SPEM2: variants seen among roughly 807,000 people sequenced by gnomAD.
The protein encoded by SPEM2 is SPEM family member 2, also known as uncharacterized protein SPEM2.
In SPEM2, 15 loss-of-function variants were observed where a neutral mutation model predicts 9.3. The ratio of observed to expected loss-of-function variants is 1.62; its 90% CI spans 1.08 to 2.50. SPEM2 has a LOEUF of 2.50. Ranked by LOEUF, SPEM2 falls within the 30% of genes most tolerant of loss-of-function variation. SPEM2 has a pLI of 0.00. For missense variants in SPEM2, 678 were observed against 690.0 expected (o/e 0.98, Z 0.19); for synonymous variants, 268 against 272.4 (o/e 0.98, Z 0.16).
Position 7,426,592 on chromosome 17 carries a change from C to A in SPEM2, c.601C>A (p.Arg201Ser). 1 of 1,614,162 alleles carries A rather than the reference C, an allele frequency of 6.2e-7. No individual in the cohort carries two copies. Among genetic ancestry groups the A allele is most frequent in the Non-Finnish European group, 8.5e-7 (1 of 1,180,004 alleles). Residue 201 changes from arginine (R) to serine (S), a missense_variant, in exon 3 of 3, where the codon CGC becomes AGC. Coordinates refer to ENST00000333870, the MANE Select transcript of SPEM2 (RefSeq NM_175734.5). This position sits in a 1 kb window ranked among gnomAD's most constrained non-coding sequence, Gnocchi z 5.3. ...LPFPYPKYPRRGWGGFYQRAG... is the reference protein window; with the variant it reads ...LPFPYPKYPRSGWGGFYQRAG... ...CTTCCCGTATCCCAAGTACCCACGT[C>A]GCGGCTGGGGCGGGTTTTATCAGAG...
In SPEM2 at chr17:7,426,498, A is replaced by G. The variant is rs370916463; in HGVS notation, c.507A>G (p.Gln169=). 1.9e-6 allele frequency: 3 copies of G among 1,613,872 alleles called. No individual in the cohort carries two copies. The highest frequency in any genetic ancestry group is 2.7e-5 in the African/African-American group (2 of 74,916). ...CACATCGCAGCCAAAAGATGTCACA[A>G]CTACACCGAGTGCCTTTCTTTGATC... is the stretch of plus-strand genomic sequence containing the variant. ...RNPHRSQKMS[Q]LHRVPFFDQE... The change falls in exon 3 of 3, where the codon CAA becomes CAG. Residue 169 remains glutamine, a synonymous_variant. Coordinates refer to ENST00000333870, the MANE Select transcript of SPEM2 (RefSeq NM_175734.5). The surrounding 1 kb of genome is among the most constrained non-coding windows in gnomAD (Gnocchi z 5.3).
Position 7,426,849 on chromosome 17 carries a change from GC to G in SPEM2, c.863del (p.Pro288LeufsTer111). ...ASSPPPPHRLPPNPSWVPVGH... is the reference protein window; with the variant it reads ...ASSPPPPHRLXPNPSWVPVGH... ...CGTCTCCACCACCTCCCCACCGGCT[GC>G]CCCCTAACCCCTCTTGGGTCCCCGT... On this transcript the variant is annotated frameshift_variant, in exon 3 of 3. Coordinates refer to ENST00000333870, the MANE Select transcript of SPEM2 (RefSeq NM_175734.5). LOFTEE classifies it low-confidence loss of function (END_TRUNC). The surrounding 1 kb of genome is among the most constrained non-coding windows in gnomAD (Gnocchi z 5.3). 6.2e-7 allele frequency: 1 copy of G among 1,610,800 alleles called. No homozygotes were observed.
Position 7,426,730 on chromosome 17 carries a change from G to A in SPEM2, c.739G>A (p.Val247Ile), listed in dbSNP as rs2150825013. The change falls in exon 3 of 3, where the codon GTA (valine) becomes ATA (isoleucine). Residue 247 changes from valine (V) to isoleucine (I), a missense_variant. By Grantham distance (29) the Val-to-Ile change is conservative. Transcript: ENST00000333870. The surrounding 1 kb of genome is among the most constrained non-coding windows in gnomAD (Gnocchi z 5.3). ...SPELRCMPKR[V>I]EARSELRLQS... Reference sequence around the variant, plus strand: ...TGAGCTGCGCTGCATGCCCAAGCGTGTAGAGGCCAGGTCTGAGCTGAGGCT... The same window carrying A: ...TGAGCTGCGCTGCATGCCCAAGCGTATAGAGGCCAGGTCTGAGCTGAGGCT... The A allele has an allele frequency of 2.5e-6, 4 of 1,612,392 alleles. No homozygotes were observed. Among genetic ancestry groups the A allele is most frequent in the Non-Finnish European group, 3.4e-6 (4 of 1,179,124 alleles).
rs1218546077 is a variant in SPEM2 at position 7,425,626 on chromosome 17, G to A, written c.-63G>A. 5 of 1,537,694 alleles carry A rather than the reference G, an allele frequency of 3.3e-6. No homozygotes were observed. The highest frequency in any genetic ancestry group is 4.4e-6 in the Non-Finnish European group (5 of 1,137,448). On this transcript the variant is annotated 5_prime_UTR_variant, in exon 1 of 3. Transcript: ENST00000333870. ...CCGGGGATTGGCATGAGTGCAGTGT[G>A]GGTTGGGGCCGGGGGTGGGGGGCAG...
Position 7,427,303 on chromosome 17 carries a change from C to T in SPEM2, c.1312C>T (p.Pro438Ser), listed in dbSNP as rs763189843. 9 of 1,613,978 alleles carry T rather than the reference C, an allele frequency of 5.6e-6. No homozygotes were observed. In the African/African-American group the frequency reaches 9.3e-5, roughly 17 times the overall value. Residue 438 changes from proline to serine, a missense_variant, in exon 3 of 3, where the codon CCT becomes TCT. Transcript: ENST00000333870. This position sits in a 1 kb window ranked among gnomAD's most constrained non-coding sequence, Gnocchi z 5.4. ...QPWPKVQAAD[P>S]APPPTMFVPL... is the part of the protein sequence containing the mutation. ...CTGGCCCAAAGTCCAGGCTGCGGAC[C>T]CTGCCCCTCCCCCGACCATGTTTGT... is the stretch of plus-strand genomic sequence containing the variant.
At position 7,427,007 on chromosome 17, in the gene SPEM2, G is replaced by A; in HGVS notation, c.1016G>A (p.Cys339Tyr). 6.2e-7 allele frequency: 1 copy of A among 1,611,442 alleles called. No homozygotes were observed. The highest frequency in any genetic ancestry group is 8.5e-7 in the Non-Finnish European group (1 of 1,179,862). Residue 339 changes from cysteine to tyrosine, a missense_variant, in exon 3 of 3, where the codon TGC (cysteine) becomes TAC (tyrosine). Coordinates refer to ENST00000333870, the MANE Select transcript of SPEM2 (RefSeq NM_175734.5). The surrounding 1 kb of genome is among the most constrained non-coding windows in gnomAD (Gnocchi z 5.4). ...SRNARPEAQGCREHHSPQSHQ... is the reference protein window; with the variant it reads ...SRNARPEAQGYREHHSPQSHQ... ...AACGCCCGGCCTGAGGCCCAGGGCT[G>A]CCGGGAGCACCACTCCCCACAGTCC...
At position 7,427,414 on chromosome 17, in the gene SPEM2, GCCAGGT is replaced by G. The variant is rs2150825831; in HGVS notation, c.1428_1433del (p.Arg476_Ser477del). The G allele has an allele frequency of 6.2e-7, 1 of 1,612,792 alleles. No homozygotes were observed. The highest frequency in any genetic ancestry group is 2.2e-5 in the East Asian group (1 of 44,846). On this transcript the variant is annotated inframe_deletion, in exon 3 of 3. Coordinates refer to ENST00000333870, the MANE Select transcript of SPEM2 (RefSeq NM_175734.5). This position sits in a 1 kb window ranked among gnomAD's most constrained non-coding sequence, Gnocchi z 5.4. ...GAAGCGGCAGGTGCAGAAGAGCAGA[GCCAGGT>G]CCAGCTCACTGCCACCGGCTTCCAC...
rs578139792 is a variant in SPEM2 at position 7,426,290 on chromosome 17, G to A, written c.299G>A (p.Arg100Gln). The A allele has an allele frequency of 1.6e-5, 26 of 1,614,086 alleles. No individual in the cohort carries two copies. The highest frequency in any genetic ancestry group is 1.0e-4 in the Admixed American group (6 of 60,014). The change falls in exon 3 of 3, where the codon CGA (arginine) becomes CAA (glutamine). Residue 100 changes from arginine (R) to glutamine (Q), a missense_variant. Transcript: ENST00000333870. The surrounding 1 kb of genome is among the most constrained non-coding windows in gnomAD (Gnocchi z 5.3). ...ILDPVQVKMS[R>Q]PTQYSSFSCH... ...GACCCTGTGCAGGTGAAGATGTCCC[G>A]ACCCACGCAGTACTCCTCTTTCTCC...
At position 7,426,963 on chromosome 17, in the gene SPEM2, C is replaced by T; in HGVS notation, c.972C>T (p.Pro324=). ...RRRGTEGFER[P]PASVSRNARP... is the part of the protein sequence containing the mutation. ...GTGGCACGGAGGGCTTTGAGCGCCC[C>T]CCTGCCTCGGTGTCCCGGAACGCCC... The change falls in exon 3 of 3, where the codon CCC becomes CCT. Residue 324 remains proline, a synonymous_variant. Transcript: ENST00000333870. The surrounding 1 kb of genome is among the most constrained non-coding windows in gnomAD (Gnocchi z 5.3). 21 of 1,612,306 alleles carry T rather than the reference C, an allele frequency of 1.3e-5. No homozygotes were observed. Among genetic ancestry groups the T allele is most frequent in the Non-Finnish European group, 1.6e-5 (19 of 1,179,852 alleles).
Position 7,425,801 on chromosome 17 carries a change from A to G in SPEM2, c.113A>G (p.Asn38Ser). Residue 38 changes from asparagine to serine, a missense_variant, in exon 1 of 3, where the codon AAC (asparagine) becomes AGC (serine). By Grantham distance (46) the Asn-to-Ser change is conservative (BLOSUM62 1). Coordinates refer to ENST00000333870, the MANE Select transcript of SPEM2 (RefSeq NM_175734.5). Reference protein sequence around the residue: ...LLLLGLIVLVNIGINVATMMW... With the variant: ...LLLLGLIVLVSIGINVATMMW... ...CTGCTGGGCCTCATCGTTCTTGTCA[A>G]CATTGGCATCAACGTGGCAACTATG... The G allele has an allele frequency of 6.2e-7, 1 of 1,614,174 alleles. No homozygotes were observed. Among genetic ancestry groups the G allele is most frequent in the South Asian group, 1.1e-5 (1 of 91,090 alleles).
chr17:7,426,523 C>T lies in SPEM2; in HGVS notation c.532C>T (p.Gln178Ter). 6.2e-7 allele frequency: 1 copy of T among 1,614,154 alleles called. No individual in the cohort carries two copies. Among genetic ancestry groups the T allele is most frequent in the South Asian group, 1.1e-5 (1 of 91,084 alleles). ...ACTACACCGAGTGCCTTTCTTTGAT[C>T]AGGAGGACCCGGATTCCTACCTGGA... Reference protein sequence around the residue: ...SQLHRVPFFDQEDPDSYLEEE... With the variant: ...SQLHRVPFFD Residue 178 changes from glutamine to a stop codon, truncating the protein, a stop_gained, in exon 3 of 3, where the codon CAG becomes TAG. Transcript: ENST00000333870. LOFTEE classifies it low-confidence loss of function (END_TRUNC). The surrounding 1 kb of genome is among the most constrained non-coding windows in gnomAD (Gnocchi z 5.3).
rs1907610896 is a variant in SPEM2 at position 7,426,509 on chromosome 17, T to G, written c.518T>G (p.Val173Gly). 9 of 1,613,960 alleles carry G rather than the reference T, an allele frequency of 5.6e-6. No homozygotes were observed. The highest frequency in any genetic ancestry group is 7.6e-6 in the Non-Finnish European group (9 of 1,180,010). The part of the protein sequence containing the change: ...RSQKMSQLHR[V>G]PFFDQEDPDS... ...CAAAAGATGTCACAACTACACCGAG[T>G]GCCTTTCTTTGATCAGGAGGACCCG... is the stretch of plus-strand genomic sequence containing the variant. Residue 173 changes from valine to glycine, a missense_variant, in exon 3 of 3, where the codon GTG becomes GGG. Val to Gly is a moderately radical substitution (Grantham distance 109). Coordinates refer to ENST00000333870, the MANE Select transcript of SPEM2 (RefSeq NM_175734.5). This position sits in a 1 kb window ranked among gnomAD's most constrained non-coding sequence, Gnocchi z 5.3.
In SPEM2 at chr17:7,426,636, T is replaced by C; in HGVS notation, c.645T>C (p.Asn215=). 6.2e-7 allele frequency: 1 copy of C among 1,614,024 alleles called. No homozygotes were observed. The highest frequency in any genetic ancestry group is 8.5e-7 in the Non-Finnish European group (1 of 1,179,970). The change falls in exon 3 of 3, where the codon AAT becomes AAC. Residue 215 remains asparagine, a synonymous_variant. Transcript: ENST00000333870. The surrounding 1 kb of genome is among the most constrained non-coding windows in gnomAD (Gnocchi z 5.3). ...ATCAGAGAGCGGGCCTGCCCTCCAA[T>C]GTGGGGCTGTGGGGCCACCAGGGTG... The part of the protein sequence containing the change: ...GFYQRAGLPS[N]VGLWGHQGGI...
rs1907619226 is a variant in SPEM2 at position 7,426,637 on chromosome 17, G to A, written c.646G>A (p.Val216Met). Residue 216 changes from valine (V) to methionine (M), a missense_variant, in exon 3 of 3, where the codon GTG (valine) becomes ATG (methionine). Transcript: ENST00000333870. This position sits in a 1 kb window ranked among gnomAD's most constrained non-coding sequence, Gnocchi z 5.3. ...FYQRAGLPSN[V>M]GLWGHQGGIL... The stretch of plus-strand genomic sequence containing the variant: ...TCAGAGAGCGGGCCTGCCCTCCAAT[G>A]TGGGGCTGTGGGGCCACCAGGGTGG... 5.6e-6 allele frequency: 9 copies of A among 1,613,982 alleles called. No homozygotes were observed. The highest frequency in any genetic ancestry group is 1.1e-5 in the South Asian group (1 of 91,090).
Position 7,427,188 on chromosome 17 carries a change from T to C in SPEM2, c.1197T>C (p.Thr399=). 1.2e-6 allele frequency: 2 copies of C among 1,614,192 alleles called. No individual in the cohort carries two copies. The highest frequency in any genetic ancestry group is 1.7e-6 in the Non-Finnish European group (2 of 1,180,012). ...CTCTGCCCGCCTGGCGTCCTCTGAC[T>C]ACCTCTGCCTCCCTCACGGTGTTGG... is the stretch of plus-strand genomic sequence containing the variant. ...AEALPAWRPL[T]TSASLTVLDE... Residue 399 remains threonine (T), a synonymous_variant, in exon 3 of 3, where the codon ACT becomes ACC. Transcript: ENST00000333870. The surrounding 1 kb of genome is among the most constrained non-coding windows in gnomAD (Gnocchi z 5.4).
At position 7,426,366 on chromosome 17, in the gene SPEM2, T is replaced by TCGCCGCCGCCGC; in HGVS notation, c.380_391dup (p.Arg127_Arg130dup). 6.2e-7 allele frequency: 1 copy of TCGCCGCCGCCGC among 1,613,726 alleles called. No homozygotes were observed. Among genetic ancestry groups the TCGCCGCCGCCGC allele is most frequent in the South Asian group, 1.1e-5 (1 of 91,078 alleles). ...GTAGCAGTCTTCTTCGCTGTGTTCG[T>TCGCCGCCGCCGC]CGCCGCCGCCGCCGCCACCGCCGTT... On this transcript the variant is annotated inframe_insertion, in exon 3 of 3. Coordinates refer to ENST00000333870, the MANE Select transcript of SPEM2 (RefSeq NM_175734.5). This position sits in a 1 kb window ranked among gnomAD's most constrained non-coding sequence, Gnocchi z 5.3.
rs1416147063 is a variant in SPEM2 at position 7,426,422 on chromosome 17, G to A, written c.431G>A (p.Arg144Gln). The stretch of plus-strand genomic sequence containing the variant: ...CGTCGCTGCTGCAACCACCAGCAGC[G>A]GCCGCAGAACTACAGACAAATCCCC... ...CRRRCCNHQQ[R>Q]PQNYRQIPHS... is the part of the protein sequence containing the mutation. Residue 144 changes from arginine (R) to glutamine (Q), a missense_variant, in exon 3 of 3, where the codon CGG becomes CAG. Transcript: ENST00000333870. The surrounding 1 kb of genome is among the most constrained non-coding windows in gnomAD (Gnocchi z 5.3). 1.2e-5 allele frequency: 19 copies of A among 1,613,584 alleles called. 1 individual carries two copies. Among genetic ancestry groups the A allele is most frequent in the South Asian group, 6.6e-5 (6 of 91,086 alleles).
chr17:7,425,687 CCA>C lies in SPEM2; in HGVS notation c.-1_1del, dbSNP rs1369892220. 1.2e-6 allele frequency: 2 copies of C among 1,613,526 alleles called. No individual in the cohort carries two copies. Among genetic ancestry groups the C allele is most frequent in the Non-Finnish European group, 8.5e-7 (1 of 1,179,598 alleles). ...CCCAGGTGGCCCTAGGACCCCCCCT[CCA>C]TGGAAAACCAGCTATGGCATAACAC... On this transcript the variant is annotated start_lost and 5_prime_UTR_variant, in exon 1 of 3. Transcript: ENST00000333870.
chr17:7,426,519 T>C lies in SPEM2; in HGVS notation c.528T>C (p.Phe176=). Residue 176 remains phenylalanine, a synonymous_variant, in exon 3 of 3, where the codon TTT becomes TTC. Transcript: ENST00000333870. The surrounding 1 kb of genome is among the most constrained non-coding windows in gnomAD (Gnocchi z 5.3). ...KMSQLHRVPF[F]DQEDPDSYLE... ...CACAACTACACCGAGTGCCTTTCTT[T>C]GATCAGGAGGACCCGGATTCCTACC... 1 of 1,614,124 alleles carries C rather than the reference T, an allele frequency of 6.2e-7. No homozygotes were observed. Among genetic ancestry groups the C allele is most frequent in the Non-Finnish European group, 8.5e-7 (1 of 1,180,038 alleles).
Sources: allele counts gnomAD v4.1 joint callset, GRCh38; gene constraint gnomAD v4.1.1; non-coding constraint Gnocchi (gnomAD v3.1); transcripts MANE v1.5; gene names NCBI Gene and HGNC (gene_info 2026-07-23, HGNC 2026-07-21).